The following SLCO3A1 variants were observed in gnomAD, a reference collection of about 807,000 sequenced individuals.
SLCO3A1 encodes the protein PGE1 transporter.
In SLCO3A1, 27 loss-of-function variants were observed where a neutral mutation model predicts 63.1. That is an observed-to-expected ratio of 0.43 (90% CI 0.32 to 0.59). The LOEUF is 0.59. Ranked by LOEUF, SLCO3A1 falls within the 20% of genes least tolerant of loss-of-function variation. The pLI is 0.09. For synonymous variants in SLCO3A1, 473 were observed against 409.9 expected (o/e 1.15, Z -1.86); for missense variants, 773 against 945.8 (o/e 0.82, Z 2.40).
chr15:92,020,294 A>G (rs2046492888), intron 2 of SLCO3A1, among the ~76,000 whole-genome samples: 2 of 152,262 alleles, frequency 1.3e-5, no homozygotes, highest in South Asian at 4.2e-4. Context: ...CCATCCATCT[A>G]TATTTTCCCC....
chr15:91,878,088 T>TA (rs936426804), intron 1 of SLCO3A1, among the ~76,000 whole-genome samples: 2 of 147,578 alleles, frequency 1.4e-5, no homozygotes, highest in African/African-American at 5.0e-5. Flanking sequence ...TTTAGGCCTT[T>TA]TTTTTTTTTT....
chr15:91,859,055 A>C lies in SLCO3A1; in HGVS notation c.180+4967A>C, dbSNP rs939380146. On this transcript the variant is annotated intron_variant, in intron 1 of 9. Transcript: ENST00000318445. The surrounding 1 kb of genome is among the most constrained non-coding windows in gnomAD (Gnocchi z 5.1). The stretch of plus-strand genomic sequence containing the variant: ...TGGAGTCAAAGTACTTCTCTTCTGC[A>C]TATGTACTCTATTCTGTACATTGCC... Among the ~76,000 whole-genome samples the C allele has an allele frequency of 4.6e-5, 7 of 152,244 alleles. No individual in the cohort carries two copies. Among genetic ancestry groups the C allele is most frequent in the Non-Finnish European group, 8.8e-5 (6 of 68,050 alleles).
intron 2 of SLCO3A1, among the ~76,000 whole-genome samples, chr15:92,049,818 T>A (rs74030431): frequency 0.01 from 1,567 of 152,244 alleles, 26 homozygotes; most frequent in African/African-American, 0.036. Flanking sequence ...TGGAATTGTT[T>A]AAGGCCCAGC....
chr15:91,898,229 A>G (rs2151363769), intron 1 of SLCO3A1, among the ~76,000 whole-genome samples: 1 of 152,310 alleles, frequency 6.6e-6, no homozygotes, highest in African/African-American at 2.4e-5. Flanking sequence ...GGCAATAACC[A>G]CTTTCTCACT....
At chr15:91,993,101 T>C (rs117946461) in intron 2 of SLCO3A1, among the ~76,000 whole-genome samples, 1,803 of 152,312 alleles carry the variant, frequency 0.012, 15 homozygotes, top group Non-Finnish European at 0.014. Flanking sequence ...TCAGCCAGTC[T>C]TATCTCCTAA....
intron 1 of SLCO3A1, among the ~76,000 whole-genome samples, chr15:91,896,815 GA>G (rs1285430621): frequency 6.6e-6 from 1 of 152,200 alleles, no homozygotes; most frequent in Non-Finnish European, 1.5e-5. Context: ...TGATTAGTGT[GA>G]ATAAAGGTGA....
In SLCO3A1 at chr15:92,031,993, G is replaced by A. The variant is rs139547851; in HGVS notation, c.647-62888G>A. The stretch of plus-strand genomic sequence containing the variant: ...CCTCAGTAGGTATCTGTAAATGGAT[G>A]TCAGTTCTGTCCACTCTCAGGATTG... On this transcript the variant is annotated intron_variant, in intron 2 of 9. Coordinates refer to ENST00000318445, the MANE Select transcript of SLCO3A1 (RefSeq NM_013272.4). Among the ~76,000 whole-genome samples the A allele has an allele frequency of 3.0e-3, 450 of 152,244 alleles. 1 individual carries two copies. Among genetic ancestry groups the A allele is most frequent in the Admixed American group, 5.6e-3 (85 of 15,298 alleles).
At chr15:92,096,605 A>G (rs547866804) in intron 3 of SLCO3A1, among the ~76,000 whole-genome samples, 20 of 152,308 alleles carry the variant, frequency 1.3e-4, no homozygotes, top group African/African-American at 4.1e-4. Context: ...ATGCCGATCT[A>G]TCCTCAGGAT....
At position 91,921,586 on chromosome 15, in the gene SLCO3A1, A is replaced by G. The variant is rs192243159; in HGVS notation, c.646+5128A>G. Among the ~76,000 whole-genome samples, 163 of 152,224 alleles carry G rather than the reference A, an allele frequency of 1.1e-3. 1 individual carries two copies. Among genetic ancestry groups the G allele is most frequent in the African/African-American group, 3.9e-3 (160 of 41,528 alleles). ...AACTTTTAAAAATTACAGAATCACA[A>G]GTTGTGGCAAAATACAGGAAAGTCC... On this transcript the variant is annotated intron_variant, in intron 2 of 9. Transcript: ENST00000318445.
intron 9 of SLCO3A1, among the ~76,000 whole-genome samples, chr15:92,159,483 CAAA>C (rs202140776): frequency 7.8e-6 from 1 of 128,422 alleles, no homozygotes; most frequent in Non-Finnish European, 1.7e-5. Context: ...AACTCTGTCT[CAAA>C]AAAAAAAAAA....
rs868080281 is a variant in SLCO3A1 at position 92,165,491 on chromosome 15, A to G, written c.*2356A>G. ...CTTTGACCTAGTGTTTTATGGAACT[A>G]TTTGCTTTGAGAGAAAAAAAAAAGA... On this transcript the variant is annotated 3_prime_UTR_variant, in exon 10 of 10. Coordinates refer to ENST00000318445, the MANE Select transcript of SLCO3A1 (RefSeq NM_013272.4). 2.0e-6 allele frequency: 2 copies of G among 982,300 alleles called. No homozygotes were observed. The highest frequency in any genetic ancestry group is 2.4e-6 in the Non-Finnish European group (2 of 828,236). 60.8% of individuals were successfully genotyped at this position (982,300 alleles called of 1,614,324 possible).
At chr15:92,154,004 G>A (rs1436373357) in intron 9 of SLCO3A1, among the ~76,000 whole-genome samples, 1 of 152,192 alleles carries the variant, frequency 6.6e-6, no homozygotes, top group Non-Finnish European at 1.5e-5. Flanking sequence ...GCAAATGAAA[G>A]TTGTTGATGG....
intron 2 of SLCO3A1, among the ~76,000 whole-genome samples, chr15:92,068,056 C>T (rs1294366870): frequency 6.6e-6 from 1 of 152,110 alleles, no homozygotes; most frequent in East Asian, 1.9e-4. Context: ...GATACCATTA[C>T]CCTGGGTATT....
At position 91,885,198 on chromosome 15, in the gene SLCO3A1, C is replaced by A. The variant is rs1897693109; in HGVS notation, c.181-30795C>A. On this transcript the variant is annotated intron_variant, in intron 1 of 9. Transcript: ENST00000318445. This position sits in a 1 kb window ranked among gnomAD's most constrained non-coding sequence, Gnocchi z 4.7. ...GGGGGCTTGTCTCCCTCTTTGCTCC[C>A]TTTGGCGTCACTCTCCACGCCCAGT... Among the ~76,000 whole-genome samples the A allele has an allele frequency of 6.6e-6, 1 of 152,180 alleles. No homozygotes were observed. Among genetic ancestry groups the A allele is most frequent in the Admixed American group, 6.5e-5 (1 of 15,284 alleles).
intron 2 of SLCO3A1, among the ~76,000 whole-genome samples, chr15:91,993,235 A>G (rs886188146): frequency 6.6e-6 from 1 of 152,228 alleles, no homozygotes; most frequent in African/African-American, 2.4e-5. Context: ...AAACATTTCA[A>G]CCAACACATA....
intron 7 of SLCO3A1, among the ~76,000 whole-genome samples, chr15:92,136,922 T>TC (rs2048064825): frequency 9.1e-6 from 1 of 110,142 alleles, no homozygotes; most frequent in Non-Finnish European, 1.8e-5. Context: ...TTCTTCTACC[T>TC]TTTTATGGCT....
chr15:92,117,135 C>T (rs1352632183), intron 4 of SLCO3A1, among the ~76,000 whole-genome samples: 3 of 152,180 alleles, frequency 2.0e-5, no homozygotes, highest in Non-Finnish European at 4.4e-5. Context: ...TTCCATTAAC[C>T]GGAGTTGCCT....
At chr15:92,066,240 G>A (rs927626489) in intron 2 of SLCO3A1, among the ~76,000 whole-genome samples, 1 of 152,226 alleles carries the variant, frequency 6.6e-6, no homozygotes, top group Admixed American at 6.5e-5. Context: ...GAGAGGCCAA[G>A]CACTCATAGG....
chr15:92,106,435 A>G (rs1264279555), intron 4 of SLCO3A1, among the ~76,000 whole-genome samples: 2 of 152,128 alleles, frequency 1.3e-5, no homozygotes, highest in African/African-American at 2.4e-5. Context: ...GTGATGCCTG[A>G]GACTCCCCTA....
Sources: allele counts gnomAD v4.1 joint callset (sites outside exome capture counted in the v4.1 genomes callset), GRCh38; gene constraint gnomAD v4.1.1; non-coding constraint Gnocchi (gnomAD v3.1); transcripts MANE v1.5; gene names NCBI Gene and HGNC (gene_info 2026-07-23, HGNC 2026-07-21).